The following PCDHA6 variants were observed in gnomAD, a reference collection of about 807,000 sequenced individuals.
PCDHA6 encodes the protein protocadherin alpha 6.
PCDHA6 carries 55 observed loss-of-function variants against 60.3 expected under a neutral mutation model. The ratio of observed to expected loss-of-function variants is 0.91; its 90% CI spans 0.73 to 1.14. The LOEUF is 1.14. Among genes scored for constraint, PCDHA6 ranks in the 50% most tolerant of loss-of-function variants. The probability of loss-of-function intolerance (pLI) is 0.00; values close to 1 mark genes in which losing one functional copy is unlikely to be tolerated. For missense variants in PCDHA6, 1,327 were observed against 1,256.5 expected (o/e 1.06, Z -0.85); for synonymous variants, 652 against 557.9 (o/e 1.17, Z -2.38).
intron 1 of PCDHA6, among the ~76,000 whole-genome samples, chr5:140,921,909 CATG>C (rs1554200522): frequency 6.6e-6 from 1 of 151,678 alleles, no homozygotes; most frequent in Non-Finnish European, 1.5e-5. Context: ...ATATATATTA[CATG>C]ATAAAACTTA....
chr5:140,922,412 G>A lies in PCDHA6; in HGVS notation c.2395-56537G>A, dbSNP rs80310986. Among the ~76,000 whole-genome samples the A allele has an allele frequency of 7.3e-3, 1,117 of 152,260 alleles. 9 individuals carry two copies. Among genetic ancestry groups the A allele is most frequent in the Non-Finnish European group, 0.011 (755 of 68,032 alleles). ...CCTTGTTTTGGATTAAAAAGATCTA[G>A]GTACAGAGGCTGAGGGCAGAACTCT... is the stretch of plus-strand genomic sequence containing the variant. On this transcript the variant is annotated intron_variant, in intron 1 of 3. Coordinates refer to ENST00000529310, the MANE Select transcript of PCDHA6 (RefSeq NM_018909.4).
chr5:140,849,632 A>G lies in PCDHA6; in HGVS notation c.2394+19147A>G, dbSNP rs2150443246. On this transcript the variant is annotated intron_variant, in intron 1 of 3. Transcript: ENST00000529310. ...TGATTAGTGTGATCGACCTAGACGCAGATGCCAACGGGCAGGTTACCTGCT... is the reference window on the plus strand; with the variant it reads ...TGATTAGTGTGATCGACCTAGACGCGGATGCCAACGGGCAGGTTACCTGCT... The G allele has an allele frequency of 2.5e-6, 4 of 1,598,772 alleles. No homozygotes were observed. In the South Asian group the frequency reaches 4.4e-5, roughly 18 times the overall value.
intron 1 of PCDHA6, among the ~76,000 whole-genome samples, chr5:140,837,878 C>T (rs1554136685): frequency 6.6e-6 from 1 of 151,624 alleles, no homozygotes; most frequent in Non-Finnish European, 1.5e-5. Context: ...AGGGTGGAGT[C>T]TTGTTTCCCA....
At chr5:140,849,862 C>T (rs2150454518) in intron 1 of PCDHA6, 1 of 1,598,598 alleles carries the variant, frequency 6.3e-7, no homozygotes, top group African/African-American at 1.3e-5. Context: ...CCAGCGTTCG[C>T]GCAGTCCGAG....
chr5:140,898,542 T>G (rs368410152), intron 1 of PCDHA6, among the ~76,000 whole-genome samples: 2 of 152,286 alleles, frequency 1.3e-5, no homozygotes, highest in East Asian at 3.9e-4. Context: ...CTGTTCCATT[T>G]ATCTATGTCT....
chr5:141,000,385 CTCTCTCTCTCTA>C (rs1405113604), intron 3 of PCDHA6, among the ~76,000 whole-genome samples: 12 of 64,976 alleles, frequency 1.8e-4, no homozygotes, highest in Admixed American at 6.0e-4. Context: ...CTCTCTCTCT[CTCTCTCTCTCTA>C]TATATATATA....
At chr5:140,970,082 G>C (rs1203003794) in intron 1 of PCDHA6, among the ~76,000 whole-genome samples, 1 of 152,178 alleles carries the variant, frequency 6.6e-6, no homozygotes, top group Non-Finnish European at 1.5e-5. Context: ...TGGATTAGGG[G>C]TGTGGGGGGA....
intron 1 of PCDHA6, chr5:140,842,783 G>C (rs2150344113): frequency 1.3e-6 from 2 of 1,594,544 alleles, no homozygotes; most frequent in Non-Finnish European, 1.7e-6. Context: ...GCAGGAGAAC[G>C]CGCTGGTGTC....
intron 1 of PCDHA6, chr5:140,967,704 G>A: frequency 6.2e-7 from 1 of 1,614,196 alleles, no homozygotes; most frequent in Non-Finnish European, 8.5e-7. Context: ...ATAGATGCCA[G>A]TACCGGGGAA....
At chr5:140,976,970 C>A (rs1294728864) in intron 1 of PCDHA6, among the ~76,000 whole-genome samples, 3 of 152,140 alleles carry the variant, frequency 2.0e-5, no homozygotes, top group African/African-American at 7.2e-5. Context: ...CTTTCCTTTT[C>A]CCTGCCTGAT....
At chr5:140,841,119 T>G (rs572378133) in intron 1 of PCDHA6, 1 of 628,942 alleles carries the variant, frequency 1.6e-6, no homozygotes, top group East Asian at 2.8e-5. Flanking sequence ...ATTCATGTAA[T>G]CATTACCTTT....
chr5:140,955,813 G>A (rs1428196745), intron 1 of PCDHA6, among the ~76,000 whole-genome samples: 1 of 152,096 alleles, frequency 6.6e-6, no homozygotes, highest in Non-Finnish European at 1.5e-5. Context: ...TGTGTCCACT[G>A]TGATTTCCTT....
At position 140,857,968 on chromosome 5, in the gene PCDHA6, C is replaced by T. The variant is rs782482021; in HGVS notation, c.2394+27483C>T. The T allele has an allele frequency of 5.8e-5, 93 of 1,597,052 alleles. 13 individuals are homozygous for T. The Middle Eastern group carries it at 6.7e-4, about 11-fold the overall frequency. ...CGACGCGCGCTCTGGATGAGACTGA[C>T]TCGCCACGCCAGCGCCTACTGGTGC... On this transcript the variant is annotated intron_variant, in intron 1 of 3. Coordinates refer to ENST00000529310, the MANE Select transcript of PCDHA6 (RefSeq NM_018909.4).
chr5:140,967,391 C>T, intron 1 of PCDHA6: 1 of 1,609,676 alleles, frequency 6.2e-7, no homozygotes, highest in South Asian at 1.1e-5. Flanking sequence ...AGTGCTTGAG[C>T]TGGTGCTGCG....
chr5:140,855,626 T>C (rs1554147868), intron 1 of PCDHA6, among the ~76,000 whole-genome samples: 1 of 149,872 alleles, frequency 6.7e-6, no homozygotes, highest in Non-Finnish European at 1.5e-5. Context: ...CATTTTGAAA[T>C]TCGGCTATTG....
intron 1 of PCDHA6, chr5:140,836,608 C>G (rs2150265408): frequency 1.9e-6 from 3 of 1,613,518 alleles, no homozygotes; most frequent in Admixed American, 3.3e-5. Flanking sequence ...CTGGTGTGCT[C>G]CAGCGCGGTG....
At chr5:140,969,923 A>G (rs1270842223) in intron 1 of PCDHA6, among the ~76,000 whole-genome samples, 3 of 152,234 alleles carry the variant, frequency 2.0e-5, no homozygotes, top group Non-Finnish European at 4.4e-5. Flanking sequence ...AAGCTGTAGT[A>G]TTTAGACATC....
At position 140,843,553 on chromosome 5, in the gene PCDHA6, G is replaced by A. The variant is rs1275122592; in HGVS notation, c.2394+13068G>A. On this transcript the variant is annotated intron_variant, in intron 1 of 3. Coordinates refer to ENST00000529310, the MANE Select transcript of PCDHA6 (RefSeq NM_018909.4). ...AGCCCACTCTGGTGTGCTCCAGTGC[G>A]GTGGGGAGCTGGTCATACTCGCAAC... 15 of 1,595,808 alleles carry A rather than the reference G, an allele frequency of 9.4e-6. 2 individuals carry two copies. The highest frequency in any genetic ancestry group is 2.2e-5 in the South Asian group (2 of 90,502).
At chr5:140,852,920 C>T (rs1481418801) in intron 1 of PCDHA6, 1 of 758,850 alleles carries the variant, frequency 1.3e-6, no homozygotes, top group African/African-American at 1.9e-5. Context: ...GCTCTGTTGC[C>T]CAGGCTGGAG....
Sources: allele counts gnomAD v4.1 joint callset (sites outside exome capture counted in the v4.1 genomes callset), GRCh38; gene constraint gnomAD v4.1.1; transcripts MANE v1.5; gene names NCBI Gene and HGNC (gene_info 2026-07-23, HGNC 2026-07-21).